The following PCDH9 variants were observed in gnomAD, a reference collection of about 807,000 sequenced individuals.
The protein encoded by PCDH9 is protocadherin 9.
Under a neutral mutation model 70.6 loss-of-function variants are expected in PCDH9, and 24 were observed. The ratio of observed to expected loss-of-function variants is 0.34; its 90% CI spans 0.25 to 0.48. PCDH9 has a LOEUF of 0.48. PCDH9 is among the 20% of genes least tolerant of loss of function. The pLI is 0.99. For missense variants in PCDH9, 1,281 were observed against 1,503.6 expected (o/e 0.85, Z 2.45); for synonymous variants, 562 against 558.5 (o/e 1.01, Z -0.09).
chr13:66,904,274 A>G (rs2082323956), intron 2 of PCDH9, among the ~76,000 whole-genome samples: 1 of 152,058 alleles, frequency 6.6e-6, no homozygotes, highest in African/African-American at 2.4e-5. Context: ...ATAAGATATT[A>G]CATTATGGCT....
chr13:66,914,612 AC>A (rs2082527680), intron 2 of PCDH9: 1 of 151,900 alleles, frequency 6.6e-6, no homozygotes, highest in Non-Finnish European at 1.5e-5. Flanking sequence ...ATCATAAAAT[AC>A]TATGTGATTG....
At chr13:67,095,348 A>G (rs1480501458) in intron 2 of PCDH9, among the ~76,000 whole-genome samples, 1 of 152,174 alleles carries the variant, frequency 6.6e-6, no homozygotes, top group Non-Finnish European at 1.5e-5. Flanking sequence ...AAAGTCATAG[A>G]ATATCTAAAA....
chr13:66,522,490 C>T (rs2138612553), intron 4 of PCDH9, among the ~76,000 whole-genome samples: 1 of 152,096 alleles, frequency 6.6e-6, no homozygotes, highest in East Asian at 1.9e-4. Flanking sequence ...TTATGCGTAT[C>T]AGTAGGAGGT....
intron 4 of PCDH9, among the ~76,000 whole-genome samples, chr13:66,318,592 C>G (rs1192519602): frequency 6.6e-6 from 1 of 151,978 alleles, no homozygotes; most frequent in Non-Finnish European, 1.5e-5. Flanking sequence ...CCTGTATTAC[C>G]CTCAGAATAA....
intron 4 of PCDH9, among the ~76,000 whole-genome samples, chr13:66,535,295 G>T (rs1161155109): frequency 1.3e-5 from 2 of 151,736 alleles, no homozygotes; most frequent in Non-Finnish European, 2.9e-5. Context: ...CCACTAGATT[G>T]GGAATTATAC....
intron 4 of PCDH9, among the ~76,000 whole-genome samples, chr13:66,315,542 C>T (rs1364977061): frequency 2.0e-5 from 3 of 152,054 alleles, no homozygotes; most frequent in Admixed American, 6.6e-5. Context: ...AGTGCAGTGG[C>T]GCAATCTCGG....
At chr13:66,510,438 G>A (rs1211297576) in intron 4 of PCDH9, among the ~76,000 whole-genome samples, 1 of 151,988 alleles carries the variant, frequency 6.6e-6, no homozygotes, top group Non-Finnish European at 1.5e-5. Context: ...GTATACATGT[G>A]CCATGTTGGT....
At chr13:67,132,760 G>A (rs1369669204) in intron 2 of PCDH9, among the ~76,000 whole-genome samples, 1 of 151,864 alleles carries the variant, frequency 6.6e-6, no homozygotes, top group Non-Finnish European at 1.5e-5. Flanking sequence ...AAAATATTGG[G>A]GTTCTTAATG....
rs1957975403 is a variant in PCDH9, at chr13:66,441,645, C to T, written c.3341-136617G>A. Among the ~76,000 whole-genome samples the T allele has an allele frequency of 3.3e-5, 5 of 151,842 alleles. No individual in the cohort carries two copies. In the South Asian group the frequency reaches 1.0e-3, roughly 32 times the overall value. Reference sequence around the variant, plus strand: ...TTCCAAAGCTAACGAGTTCTCTTTACAATAAAAACATTCAGGACAAAAACT... The same window carrying T: ...TTCCAAAGCTAACGAGTTCTCTTTATAATAAAAACATTCAGGACAAAAACT... On this transcript the variant is annotated intron_variant, in intron 4 of 4. Transcript: ENST00000377865.
intron 2 of PCDH9, among the ~76,000 whole-genome samples, chr13:67,073,393 GA>G (rs2085806690): frequency 6.6e-6 from 1 of 151,946 alleles, no homozygotes; most frequent in African/African-American, 2.4e-5. Flanking sequence ...ATCAGAAAGG[GA>G]GGGTTTAAAA....
chr13:66,849,993 C>G (rs1215041726), intron 3 of PCDH9, among the ~76,000 whole-genome samples: 2 of 152,160 alleles, frequency 1.3e-5, no homozygotes, highest in Non-Finnish European at 1.5e-5. Flanking sequence ...CACTTAATAT[C>G]CTGGGGGAGA....
chr13:66,592,088 CA>C (rs1258390395), intron 4 of PCDH9, among the ~76,000 whole-genome samples: 1 of 151,486 alleles, frequency 6.6e-6, no homozygotes, highest in African/African-American at 2.4e-5. Flanking sequence ...TAGTACTTAT[CA>C]ATATAATGAA....
chr13:66,780,025 A>G (rs535800530), intron 3 of PCDH9, among the ~76,000 whole-genome samples: 4 of 151,788 alleles, frequency 2.6e-5, no homozygotes, highest in East Asian at 1.9e-4. Context: ...CTAGAGATCT[A>G]ATATACAACA....
chr13:67,015,401 G>A (rs1353984975), intron 2 of PCDH9, among the ~76,000 whole-genome samples: 2 of 152,100 alleles, frequency 1.3e-5, no homozygotes, highest in East Asian at 1.9e-4. Context: ...AACTTTGTTA[G>A]TTATCCCTTC....
At chr13:67,160,798 G>A (rs554177799) in intron 2 of PCDH9, among the ~76,000 whole-genome samples, 29 of 152,240 alleles carry the variant, frequency 1.9e-4, no homozygotes, top group East Asian at 9.7e-4. Flanking sequence ...GTCTTATGGA[G>A]GCAGATTCTG....
At chr13:67,224,781 T>C in intron 2 of PCDH9, 2 of 876,730 alleles carry the variant, frequency 2.3e-6, no homozygotes, top group Non-Finnish European at 2.7e-6. Context: ...ACACTAAAAA[T>C]CTTTCTATTA....
chr13:66,452,743 C>T (rs746313388), intron 4 of PCDH9, among the ~76,000 whole-genome samples: 1 of 152,028 alleles, frequency 6.6e-6, no homozygotes, highest in East Asian at 1.9e-4. Context: ...GTCAAGTGCA[C>T]AATCATATTA....
chr13:66,565,967 G>A (rs1271890740), intron 4 of PCDH9, among the ~76,000 whole-genome samples: 3 of 152,112 alleles, frequency 2.0e-5, no homozygotes, highest in Non-Finnish European at 2.9e-5. Flanking sequence ...CCTGAGACAA[G>A]AAATTCTTAG....
chr13:66,450,744 G>C (rs1164474890), intron 4 of PCDH9, among the ~76,000 whole-genome samples: 2 of 152,130 alleles, frequency 1.3e-5, no homozygotes, highest in Non-Finnish European at 2.9e-5. Flanking sequence ...GGCCGGGCAC[G>C]GTGGCTCACG....
Sources: allele counts gnomAD v4.1 joint callset (sites outside exome capture counted in the v4.1 genomes callset), GRCh38; gene constraint gnomAD v4.1.1; transcripts MANE v1.5; gene names NCBI Gene and HGNC (gene_info 2026-07-23, HGNC 2026-07-21).